The following ANKS6 variants were observed in gnomAD, a reference collection of about 807,000 sequenced individuals.
ANKS6 encodes ankyrin repeat and SAM domain-containing protein 6.
Under a neutral mutation model 77.9 loss-of-function variants are expected in ANKS6, and 47 were observed. The observed-to-expected ratio is 0.60, with a 90% CI of 0.48 to 0.77. The LOEUF (loss-of-function observed/expected upper bound fraction) is 0.77. ANKS6 is among the 30% of genes least tolerant of loss of function. The pLI, the probability that ANKS6 is intolerant of heterozygous loss-of-function variation, is 0.00. For missense variants in ANKS6, 1,150 were observed against 1,159.1 expected (o/e 0.99, Z 0.11); for synonymous variants, 488 against 501.7 (o/e 0.97, Z 0.37).
intron 1 of ANKS6, 84 bp downstream of exon 1, chr9:98,796,049 G>C (rs1835155613): frequency 3.2e-6 from 4 of 1,232,850 alleles, no homozygotes; most frequent in Non-Finnish European, 4.1e-6. Context: ...TTCACCTCCC[G>C]GGGCATCCGG....
intron 1 of ANKS6, among the ~76,000 whole-genome samples, chr9:98,795,558 A>T (rs887206627): frequency 2.6e-5 from 4 of 152,144 alleles, no homozygotes; most frequent in African/African-American, 9.7e-5. Flanking sequence ...AAGCCTTTGC[A>T]TGGGCCTCCC....
rs375490477 is a variant in ANKS6, at chr9:98,736,603, T to G, written c.2532A>C (p.Leu844Phe). ...AGTGAAAGTTGTGAATGGTTTCCTGTAAAATTTGTCTCTCGCGTCCCTGTG... is the reference window on the plus strand; with the variant it reads ...AGTGAAAGTTGTGAATGGTTTCCTGGAAAATTTGTCTCTCGCGTCCCTGTG... ...NAGKGRERQI[L>F]QETIHNFHSS... Residue 844 changes from leucine to phenylalanine, a missense_variant, in exon 15 of 15, where the codon TTA (leucine) becomes TTC (phenylalanine). By Grantham distance (22) the Leu-to-Phe change is conservative. Coordinates refer to ENST00000353234, the MANE Select transcript of ANKS6 (RefSeq NM_173551.5). 2.5e-6 allele frequency: 4 copies of G among 1,612,368 alleles called. No homozygotes were observed. Among genetic ancestry groups the G allele is most frequent in the Non-Finnish European group, 3.4e-6 (4 of 1,179,262 alleles).
intron 2 of ANKS6, 134 bp downstream of exon 2, chr9:98,789,970 C>T: frequency 7.6e-7 from 1 of 1,318,870 alleles, no homozygotes; most frequent in Non-Finnish European, 1.0e-6. Flanking sequence ...AAGCACACCA[C>T]TTCCTCAGTC....
chr9:98,783,777 G>A lies in ANKS6; in HGVS notation c.1112+176C>T, dbSNP rs116573016. 1.1e-3 allele frequency: 544 copies of A among 481,086 alleles called. 4 individuals are homozygous for A. The highest frequency in any genetic ancestry group is 9.9e-3 in the African/African-American group (487 of 49,304). 29.8% of individuals were successfully genotyped at this position (481,086 alleles called of 1,614,324 possible). On this transcript the variant is annotated intron_variant, in intron 4 of 14. Coordinates refer to ENST00000353234, the MANE Select transcript of ANKS6 (RefSeq NM_173551.5). The stretch of plus-strand genomic sequence containing the variant: ...GGAACAGGAAATCTGGACACAGAAG[G>A]GTGGGACTAAAATGAGCCTGTGCCG...
intron 11 of ANKS6, among the ~76,000 whole-genome samples, chr9:98,758,429 A>G (rs914112262): frequency 2.6e-5 from 4 of 151,838 alleles, no homozygotes; most frequent in Non-Finnish European, 5.9e-5. Flanking sequence ...GTACTAGAAT[A>G]AAACACTTCT....
chr9:98,752,543 A>G (rs1392999926), intron 12 of ANKS6, among the ~76,000 whole-genome samples: 2 of 151,990 alleles, frequency 1.3e-5, no homozygotes, highest in African/African-American at 4.8e-5. Flanking sequence ...TGTGGCTGGG[A>G]GGATAGGATG....
At chr9:98,795,930 T>G in intron 1 of ANKS6, 1 of 516,098 alleles carries the variant, frequency 1.9e-6, no homozygotes, top group Non-Finnish European at 3.0e-6. Context: ...GGCCAAAATT[T>G]CTAAGAATCT....
At chr9:98,778,709 A>G (rs2118087492) in intron 6 of ANKS6, among the ~76,000 whole-genome samples, 1 of 152,334 alleles carries the variant, frequency 6.6e-6, no homozygotes, top group Middle Eastern at 3.4e-3. Context: ...CTCATTGCAC[A>G]GATTGAGAAA....
intron 5 of ANKS6, among the ~76,000 whole-genome samples, chr9:98,781,429 C>A (rs1241592853): frequency 6.6e-6 from 1 of 152,162 alleles, no homozygotes; most frequent in East Asian, 1.9e-4. Context: ...CGGACTGATT[C>A]CGAATAACAA....
At position 98,732,963 on chromosome 9, in the gene ANKS6, G is replaced by T; in HGVS notation, c.*3556C>A. 9.7e-7 allele frequency: 1 copy of T among 1,032,246 alleles called. No homozygotes were observed. The highest frequency in any genetic ancestry group is 1.2e-6 in the Non-Finnish European group (1 of 856,354). The allele number at this position is 1,032,246 out of a possible 1,614,324, so 63.9% of individuals were successfully genotyped here. A position where few individuals can be genotyped will look rare whatever the true frequency, so the allele number is the denominator to read the frequency against. ...TTTCTGCCTAAACCTGCCCTTTGAG[G>T]CCCCACTCCATCTCTCTCCTCTGGG... On this transcript the variant is annotated 3_prime_UTR_variant, in exon 15 of 15. Transcript: ENST00000353234.
At chr9:98,780,411 C>G (rs532217317) in intron 5 of ANKS6, 74 bp from the exon 6 acceptor site, 62 of 1,474,218 alleles carry the variant, frequency 4.2e-5, no homozygotes, top group Non-Finnish European at 5.3e-5. Flanking sequence ...CAAGATGACC[C>G]CTGTTAGACT....
chr9:98,767,615 G>C (rs1200412990), intron 11 of ANKS6, among the ~76,000 whole-genome samples: 6 of 152,194 alleles, frequency 3.9e-5, no homozygotes, highest in African/African-American at 1.4e-4. Flanking sequence ...GATGAATAAG[G>C]TTGAAGGACA....
chr9:98,745,443 T>C, intron 14 of ANKS6, 116 bp downstream of exon 14: 2 of 925,164 alleles, frequency 2.2e-6, no homozygotes, highest in East Asian at 2.4e-5. Context: ...TGCTGGGAGG[T>C]AGTGAGTGCT....
At position 98,784,403 on chromosome 9, in the gene ANKS6, G is replaced by A. The variant is rs561141456; in HGVS notation, c.908-246C>T. ...ACCAAAAGACAGAAGTGTTGTTAGTGTCTTCAGAGAACGGATGAAGGAGAC... is the reference window on the plus strand; with the variant it reads ...ACCAAAAGACAGAAGTGTTGTTAGTATCTTCAGAGAACGGATGAAGGAGAC... On this transcript the variant is annotated intron_variant, in intron 3 of 14. Coordinates refer to ENST00000353234, the MANE Select transcript of ANKS6 (RefSeq NM_173551.5). 5 of 441,430 alleles carry A rather than the reference G, an allele frequency of 1.1e-5. No individual in the cohort carries two copies. In the East Asian group the frequency reaches 1.8e-4, roughly 16 times the overall value. The allele number at this position is 441,430 out of a possible 1,614,324, so 27.3% of individuals were successfully genotyped here. A position where few individuals can be genotyped will look rare whatever the true frequency, so the allele number is the denominator to read the frequency against.
intron 12 of ANKS6, among the ~76,000 whole-genome samples, chr9:98,752,977 A>G (rs1832511248): frequency 6.6e-6 from 1 of 151,504 alleles, no homozygotes; most frequent in Non-Finnish European, 1.5e-5. Context: ...ATGACACCAA[A>G]CCTTTGCTCC....
chr9:98,752,819 G>GT (rs1832503015), intron 12 of ANKS6, among the ~76,000 whole-genome samples: 2 of 152,190 alleles, frequency 1.3e-5, no homozygotes, highest in African/African-American at 4.8e-5. Flanking sequence ...GCATGCTATG[G>GT]TGAAGAGCAA....
chr9:98,745,471 A>G (rs1179501834), intron 14 of ANKS6, 88 bp downstream of exon 14: 1 of 1,239,412 alleles, frequency 8.1e-7, no homozygotes, highest in Non-Finnish European at 1.2e-6. Flanking sequence ...TGTCAGAGAG[A>G]GGAAGTAAGA....
At position 98,796,434 on chromosome 9, in the gene ANKS6, C is replaced by T. The variant is rs961232030; in HGVS notation, c.58G>A (p.Gly20Ser). The change falls in exon 1 of 15, where the codon GGC (glycine) becomes AGC (serine). Residue 20 changes from glycine to serine, a missense_variant. Physicochemically the swap from Gly to Ser is moderately conservative, Grantham distance 56. Coordinates refer to ENST00000353234, the MANE Select transcript of ANKS6 (RefSeq NM_173551.5). ...FQLLLRACDQGDTETARRLLE... is the reference protein window; with the variant it reads ...FQLLLRACDQSDTETARRLLE... Reference sequence around the variant, plus strand: ...AGCCGCCGCGCCGTCTCCGTGTCGCCCTGGTCACACGCGCGCAGCAGCAGC... The same window carrying T: ...AGCCGCCGCGCCGTCTCCGTGTCGCTCTGGTCACACGCGCGCAGCAGCAGC... 1.8e-5 allele frequency: 18 copies of T among 996,318 alleles called. No individual in the cohort carries two copies. Among genetic ancestry groups the T allele is most frequent in the Non-Finnish European group, 2.1e-5 (18 of 839,350 alleles). 61.7% of individuals were successfully genotyped at this position (996,318 alleles called of 1,614,324 possible).
rs151200113 is a variant in ANKS6, at chr9:98,756,930, C to G, written c.2143-327G>C. Among the ~76,000 whole-genome samples, 1,024 of 151,862 alleles carry G rather than the reference C, an allele frequency of 6.7e-3. 11 individuals carry two copies. The highest frequency in any genetic ancestry group is 0.023 in the African/African-American group (961 of 41,358). Reference sequence around the variant, plus strand: ...TGCATTGTGGCTTTGGCCAAGCCCCCCGAGCTCTCTGGGCCTCAGTTAACC... The same window carrying G: ...TGCATTGTGGCTTTGGCCAAGCCCCGCGAGCTCTCTGGGCCTCAGTTAACC... On this transcript the variant is annotated intron_variant, in intron 11 of 14. Coordinates refer to ENST00000353234, the MANE Select transcript of ANKS6 (RefSeq NM_173551.5).
Sources: allele counts gnomAD v4.1 joint callset (sites outside exome capture counted in the v4.1 genomes callset), GRCh38; gene constraint gnomAD v4.1.1; transcripts MANE v1.5; gene names NCBI Gene and HGNC (gene_info 2026-07-23, HGNC 2026-07-21).